Variants in PCDH11Y observed in about 807,000 individuals in gnomAD.
The protein encoded by PCDH11Y is protocadherin 11 Y-linked, also known as protocadherin-11 Y-linked.
For missense variants in PCDH11Y, 12 were observed against 224.8 expected (o/e 0.05, Z 6.05); for synonymous variants, 9 against 83.6 (o/e 0.11, Z 4.87).
At chrY:5,620,137 A>T in intron 4 of PCDH11Y, among the ~76,000 whole-genome samples, 1 of 32,661 alleles carries the variant, frequency 3.1e-5, no homozygotes, top group Admixed American at 2.8e-4. Flanking sequence ...AAAAATAATA[A>T]AGTAGATAGA....
chrY:5,362,293 C>G, intron 2 of PCDH11Y, among the ~76,000 whole-genome samples: 1 of 31,257 alleles, frequency 3.2e-5, no homozygotes, highest in Admixed American at 3.1e-4. Flanking sequence ...CCTGTCAACC[C>G]AGCTCCTAGC....
chrY:5,732,674 G>T, intron 4 of PCDH11Y, among the ~76,000 whole-genome samples: 2 of 31,795 alleles, frequency 6.3e-5, no homozygotes, highest in Non-Finnish European at 1.5e-4. Context: ...TGGATTTTTT[G>T]AATCTGGATA....
At chrY:5,294,262 ATAT>A (rs2124662282) in intron 2 of PCDH11Y, among the ~76,000 whole-genome samples, 1 of 32,097 alleles carries the variant, frequency 3.1e-5, no homozygotes, top group South Asian at 7.0e-4. Context: ...CTTAAAACTG[ATAT>A]TATTTTTTTG....
intron 2 of PCDH11Y, among the ~76,000 whole-genome samples, chrY:5,152,648 TTATC>T: frequency 3.0e-5 from 1 of 33,043 alleles, no homozygotes; most frequent in Middle Eastern, 0.015. Flanking sequence ...TCAATCCTAT[TTATC>T]TGTTTTTTTC....
At chrY:5,689,241 G>A in intron 4 of PCDH11Y, among the ~76,000 whole-genome samples, 1 of 26,298 alleles carries the variant, frequency 3.8e-5, no homozygotes, top group Non-Finnish European at 8.9e-5. Context: ...GAAAGTATAT[G>A]TTTGTTGAAA....
intron 2 of PCDH11Y, among the ~76,000 whole-genome samples, chrY:5,327,358 C>A (rs2053123185): frequency 3.0e-5 from 1 of 33,032 alleles, no homozygotes; most frequent in African/African-American, 1.2e-4. Context: ...GGTGGATAGG[C>A]AAAACAATTT....
chrY:5,026,085 G>A (rs1602839430), intron 1 of PCDH11Y, among the ~76,000 whole-genome samples: 3 of 32,481 alleles, frequency 9.2e-5, no homozygotes, highest in East Asian at 8.1e-4. Context: ...ATAGTTCAAC[G>A]TGTAATTATT....
At chrY:5,389,957 G>A in intron 2 of PCDH11Y, among the ~76,000 whole-genome samples, 1 of 30,946 alleles carries the variant, frequency 3.2e-5, no homozygotes, top group East Asian at 8.3e-4. Context: ...TGGTATTATA[G>A]GATTAAGAGT....
intron 2 of PCDH11Y, among the ~76,000 whole-genome samples, chrY:5,407,839 A>G (rs1286274413): frequency 3.7e-5 from 1 of 26,774 alleles, no homozygotes; most frequent in Non-Finnish European, 8.5e-5. Context: ...GGAGTGAACC[A>G]GCGGGCGGAG....
At chrY:5,338,876 A>G in intron 2 of PCDH11Y, 1 of 328,115 alleles carries the variant, frequency 3.0e-6, no homozygotes. Context: ...GCTGTCAACA[A>G]TCTCATTCCA....
At chrY:5,549,599 T>A (rs2053416458) in intron 3 of PCDH11Y, among the ~76,000 whole-genome samples, 3 of 33,621 alleles carry the variant, frequency 8.9e-5, no homozygotes, top group African/African-American at 2.3e-4. Context: ...AGCAATCCCA[T>A]TACTGGGTGT....
chrY:5,591,168 G>C (rs2053461270), intron 4 of PCDH11Y, among the ~76,000 whole-genome samples: 1 of 32,321 alleles, frequency 3.1e-5, no homozygotes, highest in Non-Finnish European at 7.5e-5. Context: ...GGAGGTGATT[G>C]GATCATAGGA....
At chrY:5,269,488 TCTGTATGATTATGTGTC>T (rs2053032053) in intron 2 of PCDH11Y, among the ~76,000 whole-genome samples, 1 of 32,309 alleles carries the variant, frequency 3.1e-5, no homozygotes, top group African/African-American at 1.1e-4. Flanking sequence ...TATTGGCACA[TCTGTATGATTATGTGTC>T]CTCAGCCCTG....
intron 2 of PCDH11Y, among the ~76,000 whole-genome samples, chrY:5,425,731 T>C (rs2124679964): frequency 3.0e-5 from 1 of 33,293 alleles, no homozygotes; most frequent in Admixed American, 2.8e-4. Context: ...GTATATTTAG[T>C]TCTTCAAATA....
chrY:5,050,783 A>C, intron 3 of PCDH11Y, among the ~76,000 whole-genome samples: 1 of 32,281 alleles, frequency 3.1e-5, no homozygotes, highest in Non-Finnish European at 7.6e-5. Context: ...TAGAAGTACT[A>C]CTTATCCTTA....
intron 2 of PCDH11Y, among the ~76,000 whole-genome samples, chrY:5,121,384 A>G: frequency 9.6e-5 from 3 of 31,246 alleles, no homozygotes; most frequent in African/African-American, 3.8e-4. Context: ...GGCAGGAAGC[A>G]TCCAGCATGG....
chrY:5,315,575 C>T, intron 2 of PCDH11Y, among the ~76,000 whole-genome samples: 1 of 33,694 alleles, frequency 3.0e-5, no homozygotes, highest in Non-Finnish European at 7.4e-5. Context: ...CCATGTATAC[C>T]AGTTGGTTAA....
chrY:5,270,246 G>A, intron 2 of PCDH11Y, among the ~76,000 whole-genome samples: 1 of 26,393 alleles, frequency 3.8e-5, no homozygotes, highest in Non-Finnish European at 8.8e-5. Context: ...GGTGGCTCAC[G>A]CCTGTAATCC....
At chrY:5,634,156 G>C in intron 4 of PCDH11Y, among the ~76,000 whole-genome samples, 1 of 26,736 alleles carries the variant, frequency 3.7e-5, no homozygotes, top group Non-Finnish European at 8.7e-5. Flanking sequence ...AGAGCTTGCA[G>C]TGAGCTGAGA....
Sources: allele counts gnomAD v4.1 joint callset (sites outside exome capture counted in the v4.1 genomes callset), GRCh38; gene constraint gnomAD v4.1.1; transcripts MANE v1.5; gene names NCBI Gene and HGNC (gene_info 2026-07-23, HGNC 2026-07-21).